The following RGS3 variants were observed in gnomAD, a reference collection of about 807,000 sequenced individuals.
The protein encoded by RGS3 is regulator of G-protein signalling 3.
Under a neutral mutation model 132.6 loss-of-function variants are expected in RGS3, and 80 were observed. The observed-to-expected ratio is 0.60, with a 90% CI of 0.50 to 0.73. The LOEUF (loss-of-function observed/expected upper bound fraction) is 0.73, where lower values mean the gene tolerates loss of function less well. Ranked by LOEUF, RGS3 falls within the 30% of genes least tolerant of loss-of-function variation. The probability of loss-of-function intolerance (pLI) is 0.00; values close to 1 mark genes in which losing one functional copy is unlikely to be tolerated. For missense variants in RGS3, 1,382 were observed against 1,530.8 expected (o/e 0.90, Z 1.62); for synonymous variants, 598 against 620.6 (o/e 0.96, Z 0.54).
intron 19 of RGS3, among the ~76,000 whole-genome samples, chr9:113,572,898 T>C (rs1029731714): frequency 6.6e-6 from 1 of 152,244 alleles, no homozygotes; most frequent in African/African-American, 2.4e-5. Flanking sequence ...CTAACAGGAC[T>C]CCTGTCCTAG....
chr9:113,513,056 C>T (rs1266596069), intron 14 of RGS3, among the ~76,000 whole-genome samples: 3 of 152,062 alleles, frequency 2.0e-5, no homozygotes, highest in South Asian at 2.1e-4. Flanking sequence ...ATTAGCCGGG[C>T]GTGGTGGTGC....
Position 113,591,290 on chromosome 9 carries a change from T to C in RGS3, c.3016-43T>C. On this transcript the variant is annotated intron_variant, in intron 20 of 24. Transcript: ENST00000350696. This position sits in a 1 kb window ranked among gnomAD's most constrained non-coding sequence, Gnocchi z 4.4. ...AGCCTCTGTTTACTTAGGCAGGAGT[T>C]CCTGGGTGCCCAGACTGCATCGTGT... 1 of 1,584,160 alleles carries C rather than the reference T, an allele frequency of 6.3e-7. No homozygotes were observed. Among genetic ancestry groups the C allele is most frequent in the Non-Finnish European group, 8.7e-7 (1 of 1,154,332 alleles).
chr9:113,491,899 C>G (rs1166698593), intron 7 of RGS3, among the ~76,000 whole-genome samples: 1 of 152,210 alleles, frequency 6.6e-6, no homozygotes, highest in Non-Finnish European at 1.5e-5. Flanking sequence ...TAGGGAGATT[C>G]TACTTGTGAT....
At position 113,502,611 on chromosome 9, in the gene RGS3, GGT is replaced by G. The variant is rs535612793; in HGVS notation, c.898-2829_898-2828del. On this transcript the variant is annotated intron_variant, in intron 10 of 24. Transcript: ENST00000350696. The stretch of plus-strand genomic sequence containing the variant: ...GACACTAGCGTCTGGATGGCAGAGT[GGT>G]GAGACAGAGAGAGCACTGGTTGGGA... Among the ~76,000 whole-genome samples the G allele has an allele frequency of 6.6e-5, 10 of 152,348 alleles. No homozygotes were observed. In the South Asian group the frequency reaches 2.1e-3, roughly 32 times the overall value.
intron 3 of RGS3, among the ~76,000 whole-genome samples, chr9:113,474,943 G>A (rs996370585): frequency 6.6e-6 from 1 of 152,180 alleles, no homozygotes; most frequent in African/African-American, 2.4e-5. Context: ...ACTGTGGCCT[G>A]TGGGTTAGAG....
intron 10 of RGS3, chr9:113,501,748 AGGCTCACTTGGATATG>A: frequency 9.1e-7 from 1 of 1,097,702 alleles, no homozygotes; most frequent in Non-Finnish European, 1.3e-6. Context: ...TGCTCCCTGC[AGGCTCACTTGGATATG>A]GGGAGGAGGA....
Position 113,506,360 on chromosome 9 carries a change from C to G in RGS3, c.980-28C>G, listed in dbSNP as rs200883516. The G allele has an allele frequency of 2.6e-6, 4 of 1,521,744 alleles. No individual in the cohort carries two copies. The East Asian group carries it at 9.4e-5, about 36-fold the overall frequency. The allele number at this position is 1,521,744 out of a possible 1,614,324, so 94.3% of individuals were successfully genotyped here. ...GAAGGGGTCTTAGGCTTCAGGGGCC[C>G]CTGAATGGCTTTTCTTTGTCCCTGC... On this transcript the variant is annotated intron_variant, in intron 11 of 24. Coordinates refer to ENST00000350696, the Ensembl canonical transcript of RGS3. This position sits in a 1 kb window ranked among gnomAD's most constrained non-coding sequence, Gnocchi z 4.7.
At chr9:113,477,991 G>A (rs1429811638) in intron 3 of RGS3, among the ~76,000 whole-genome samples, 1 of 152,238 alleles carries the variant, frequency 6.6e-6, no homozygotes, top group Non-Finnish European at 1.5e-5. Context: ...CATTTTCGAT[G>A]TCACCGAGGA....
intron 16 of RGS3, chr9:113,522,692 T>C (rs1261731539): frequency 1.9e-6 from 1 of 523,298 alleles, no homozygotes; most frequent in Non-Finnish European, 3.4e-6. Flanking sequence ...CTGTTTGCTT[T>C]TTTCCTACTT....
chr9:113,496,646 G>T (rs1407484056), intron 8 of RGS3, among the ~76,000 whole-genome samples: 1 of 151,936 alleles, frequency 6.6e-6, no homozygotes, highest in Non-Finnish European at 1.5e-5. Flanking sequence ...CGCCTCCCAG[G>T]TTCAAGCAAT....
At chr9:113,503,275 A>C (rs1830983763) in intron 10 of RGS3, 2 of 152,576 alleles carry the variant, frequency 1.3e-5, no homozygotes, top group Non-Finnish European at 2.9e-5. Flanking sequence ...TTCGAGTCTT[A>C]TCTCCTTGTC....
At chr9:113,516,195 T>C (rs541439821) in intron 15 of RGS3, among the ~76,000 whole-genome samples, 2 of 152,320 alleles carry the variant, frequency 1.3e-5, no homozygotes, top group Admixed American at 6.5e-5. Context: ...CACTGTCCAG[T>C]AGGCACACTT....
chr9:113,597,040 C>A, exon 25 of RGS3: 2 of 1,195,760 alleles, frequency 1.7e-6, no homozygotes, highest in Non-Finnish European at 1.2e-6. Context: ...ACGGAGGGGG[C>A]AAGCAAGCCC....
Position 113,565,604 on chromosome 9 carries a change from C to T in RGS3, c.2038-17846C>T. 1 of 258,246 alleles carries T rather than the reference C, an allele frequency of 3.9e-6. No homozygotes were observed. The highest frequency in any genetic ancestry group is 7.8e-6 in the Non-Finnish European group (1 of 128,956). The allele number at this position is 258,246 out of a possible 1,614,324, so 16.0% of individuals were successfully genotyped here. On this transcript the variant is annotated intron_variant, in intron 19 of 24. Coordinates refer to ENST00000350696, the Ensembl canonical transcript of RGS3. The surrounding 1 kb of genome is among the most constrained non-coding windows in gnomAD (Gnocchi z 5.7). The stretch of plus-strand genomic sequence containing the variant: ...CTGTCTGGGGAAGGCAGCCGCTTGA[C>T]ACGGCCGCCAGGAGCTGCCACAGCC...
Position 113,463,701 on chromosome 9 carries a change from CCTCCCGCTCGCG to C in RGS3, c.415+1505_415+1516del, listed in dbSNP as rs1829530901. On this transcript the variant is annotated intron_variant, in intron 3 of 24. Transcript: ENST00000350696. This position sits in a 1 kb window ranked among gnomAD's most constrained non-coding sequence, Gnocchi z 4.6. ...CGTTCCAACGCTTGGGGCAGCCCTA[CCTCCCGCTCGCG>C]CTCCTCCCGCCCTGGAGACTCCGGT... 2 of 1,437,978 alleles carry C rather than the reference CCTCCCGCTCGCG, an allele frequency of 1.4e-6. No homozygotes were observed. The highest frequency in any genetic ancestry group is 1.8e-6 in the Non-Finnish European group (2 of 1,097,030). The allele number at this position is 1,437,978 out of a possible 1,614,324, so 89.1% of individuals were successfully genotyped here. A position where few individuals can be genotyped will look rare whatever the true frequency, so the allele number is the denominator to read the frequency against.
At chr9:113,497,274 C>A in intron 8 of RGS3, 40 bp from the exon 7 acceptor site, 1 of 1,523,418 alleles carries the variant, frequency 6.6e-7, no homozygotes, top group Non-Finnish European at 9.1e-7. Flanking sequence ...TGTGCTTCTG[C>A]CTCCTGTGTC....
rs564935668 is a variant in RGS3, at chr9:113,506,594, C to G, written c.1085+101C>G. On this transcript the variant is annotated intron_variant, in intron 12 of 24. Coordinates refer to ENST00000350696, the Ensembl canonical transcript of RGS3. The surrounding 1 kb of genome is among the most constrained non-coding windows in gnomAD (Gnocchi z 4.7). Reference sequence around the variant, plus strand: ...CCTGGCCCAGCTCTTGCTGCTCCCTCTTTTGCCTAGCTGTGAGCAGGCAAT... The same window carrying G: ...CCTGGCCCAGCTCTTGCTGCTCCCTGTTTTGCCTAGCTGTGAGCAGGCAAT... 4.8e-5 allele frequency: 36 copies of G among 743,906 alleles called. No individual in the cohort carries two copies. The highest frequency in any genetic ancestry group is 7.1e-5 in the Non-Finnish European group (31 of 433,572). 46.1% of individuals were successfully genotyped at this position (743,906 alleles called of 1,614,324 possible).
rs769972286 is a variant in RGS3, at chr9:113,565,392, G to A, written c.2038-18058G>A. ...GTTTGGGAAAGGCGCTGGAGGAGGA[G>A]GAAGAGGAGGAGGACAAGTAGGAGG... On this transcript the variant is annotated intron_variant, in intron 19 of 24. Transcript: ENST00000350696. This position sits in a 1 kb window ranked among gnomAD's most constrained non-coding sequence, Gnocchi z 5.7. 33 of 1,288,728 alleles carry A rather than the reference G, an allele frequency of 2.6e-5. No homozygotes were observed. Among genetic ancestry groups the A allele is most frequent in the East Asian group, 5.6e-5 (1 of 18,014 alleles). 79.8% of individuals were successfully genotyped at this position (1,288,728 alleles called of 1,614,324 possible).
At chr9:113,552,048 A>C (rs1833360549) in intron 19 of RGS3, among the ~76,000 whole-genome samples, 1 of 152,180 alleles carries the variant, frequency 6.6e-6, no homozygotes. Flanking sequence ...ATGACTATAA[A>C]TCTTGAAAAA....
Sources: gnomAD v4.1 joint callset for allele counts (sites outside exome capture counted in the v4.1 genomes callset) on GRCh38, gnomAD v4.1.1 for gene constraint, Gnocchi (gnomAD v3.1) non-coding constraint, MANE v1.5 for transcripts, NCBI Gene and HGNC (gene_info 2026-07-23, HGNC 2026-07-21) for gene names.